The following SYK variants were observed in gnomAD, a reference collection of about 807,000 sequenced individuals.
SYK encodes the protein tyrosine-protein kinase SYK.
In SYK, 16 loss-of-function variants were observed where a neutral mutation model predicts 77.8. The observed-to-expected ratio is 0.21, with a 90% CI of 0.14 to 0.31. SYK has a LOEUF of 0.31. Ranked by LOEUF, SYK falls within the 10% of genes least tolerant of loss-of-function variation. The pLI is 1.00. For missense variants in SYK, 529 were observed against 814.4 expected, an observed-to-expected ratio of 0.65 and a Z score of 4.26; for synonymous variants, 312 against 308.7, an observed-to-expected ratio of 1.01 and a Z score of -0.11.
intron 1 of SYK, among the ~76,000 whole-genome samples, chr9:90,804,202 A>C (rs1200356535): frequency 2.0e-5 from 3 of 152,212 alleles, no homozygotes; most frequent in Non-Finnish European, 4.4e-5. Context: ...TTAAATAGCA[A>C]GATTTTACTG....
intron 1 of SYK, among the ~76,000 whole-genome samples, chr9:90,811,939 G>GA (rs5899108): frequency 0.022 from 3,041 of 136,616 alleles, 112 homozygotes; most frequent in East Asian, 0.16. Context: ...AATAATAAGT[G>GA]AAAAAAAAAA....
At chr9:90,841,819 GGTGT>G (rs1826364149) in intron 1 of SYK, among the ~76,000 whole-genome samples, 1 of 149,376 alleles carries the variant, frequency 6.7e-6, no homozygotes, top group South Asian at 2.2e-4. Context: ...TGTTGTATGT[GGTGT>G]GTATGTAGTT....
intron 1 of SYK, among the ~76,000 whole-genome samples, chr9:90,830,956 T>C (rs1825866374): frequency 6.6e-6 from 1 of 152,164 alleles, no homozygotes; most frequent in Admixed American, 6.5e-5. Context: ...TTTCTCAGCT[T>C]CAAGCTGCAG....
rs997840532 is a variant in SYK at position 90,815,975 on chromosome 9, G to C, written c.-42+14082G>C. ...ACAAGGGAGAGATTCTGAGTGTTAG[G>C]GCTGGGAAAAGAGCACTCTGTGTGA... On this transcript the variant is annotated intron_variant, in intron 1 of 13. Coordinates refer to ENST00000375754, the MANE Select transcript of SYK (RefSeq NM_003177.7). 8.5e-5 allele frequency among the ~76,000 whole-genome samples: 13 copies of C among 152,346 alleles called. No homozygotes were observed. The East Asian group carries it at 2.5e-3, about 29-fold the overall frequency.
chr9:90,814,353 G>A (rs1291192306), intron 1 of SYK, among the ~76,000 whole-genome samples: 1 of 152,122 alleles, frequency 6.6e-6, no homozygotes, highest in Admixed American at 6.5e-5. Flanking sequence ...TGTGGCCACT[G>A]ACCGCTCAAT....
chr9:90,838,909 AG>A (rs1211589171), intron 1 of SYK, among the ~76,000 whole-genome samples: 1 of 152,224 alleles, frequency 6.6e-6, no homozygotes, highest in Non-Finnish European at 1.5e-5. Flanking sequence ...GAATGCCTGC[AG>A]GGGAAAGTCA....
At chr9:90,883,907 C>G (rs967274660) in intron 11 of SYK, among the ~76,000 whole-genome samples, 3 of 152,102 alleles carry the variant, frequency 2.0e-5, no homozygotes, top group Non-Finnish European at 4.4e-5. Context: ...GTATACCGCC[C>G]TAGGGCCCAA....
intron 3 of SYK, among the ~76,000 whole-genome samples, chr9:90,855,666 ATGTG>A (rs9299433): frequency 0.16 from 23,537 of 149,000 alleles, 2,599 homozygotes; most frequent in African/African-American, 0.28. Context: ...TTGAGTGAAT[ATGTG>A]TGTGTGTGTG....
intron 1 of SYK, among the ~76,000 whole-genome samples, chr9:90,835,924 A>G (rs1413720454): frequency 6.6e-6 from 1 of 152,252 alleles, no homozygotes; most frequent in Non-Finnish European, 1.5e-5. Context: ...TTCAACAAAA[A>G]TATTGGAAAA....
At chr9:90,893,835 G>A (rs1211898646) in intron 13 of SYK, among the ~76,000 whole-genome samples, 1 of 152,116 alleles carries the variant, frequency 6.6e-6, no homozygotes, top group Non-Finnish European at 1.5e-5. Flanking sequence ...AGAGGAGGAG[G>A]GTCACTGGGT....
At chr9:90,809,956 A>G (rs758979299) in intron 1 of SYK, among the ~76,000 whole-genome samples, 3 of 152,156 alleles carry the variant, frequency 2.0e-5, no homozygotes, top group African/African-American at 4.8e-5. Context: ...GGTCAAGGAA[A>G]GGCAGCTTGG....
intron 1 of SYK, among the ~76,000 whole-genome samples, chr9:90,830,417 C>A (rs1825837980): frequency 6.6e-6 from 1 of 152,180 alleles, no homozygotes; most frequent in South Asian, 2.1e-4. Context: ...AGGCAGTGCC[C>A]CCAGCCCTTT....
rs200815743 is a variant in SYK at position 90,897,830 on chromosome 9, G to A, written c.*2230G>A. 2.4e-4 allele frequency: 53 copies of A among 223,234 alleles called. No individual in the cohort carries two copies. The highest frequency in any genetic ancestry group is 2.8e-3 in the Middle Eastern group (2 of 724). 13.8% of individuals were successfully genotyped at this position (223,234 alleles called of 1,614,324 possible). On this transcript the variant is annotated 3_prime_UTR_variant, in exon 14 of 14. Coordinates refer to ENST00000375754, the MANE Select transcript of SYK (RefSeq NM_003177.7). ...ACCTGTGTGCAGAATTCCCACTGTG[G>A]CCAGCACGAGGAAGTCTTTTCTAGT...
intron 13 of SYK, among the ~76,000 whole-genome samples, chr9:90,891,075 T>C (rs1232438384): frequency 6.6e-6 from 1 of 151,408 alleles, no homozygotes; most frequent in East Asian, 2.0e-4. Flanking sequence ...GAAAAGAAAC[T>C]GGCTGCCCCA....
chr9:90,837,048 AAATATGTGT>A (rs1826112834), intron 1 of SYK, among the ~76,000 whole-genome samples: 1 of 151,908 alleles, frequency 6.6e-6, no homozygotes, highest in African/African-American at 2.4e-5. Context: ...ATAACATGCA[AAATATGTGT>A]TAATCAGTTA....
chr9:90,897,573 G>A lies in SYK; in HGVS notation c.*1973G>A, dbSNP rs201655256. On this transcript the variant is annotated 3_prime_UTR_variant, in exon 14 of 14. Coordinates refer to ENST00000375754, the MANE Select transcript of SYK (RefSeq NM_003177.7). ...AGTCTTCAACACAGGCCCCGTGCTCGTAGGAATACGGTAGCACCTATGTAG... is the reference window on the plus strand; with the variant it reads ...AGTCTTCAACACAGGCCCCGTGCTCATAGGAATACGGTAGCACCTATGTAG... 7.8e-5 allele frequency: 18 copies of A among 230,120 alleles called. No individual in the cohort carries two copies. Among genetic ancestry groups the A allele is most frequent in the African/African-American group, 2.9e-4 (13 of 45,184 alleles). 14.3% of individuals were successfully genotyped at this position (230,120 alleles called of 1,614,324 possible). A position where few individuals can be genotyped will look rare whatever the true frequency, so the allele number is the denominator to read the frequency against.
At chr9:90,862,838 T>C (rs924360118) in intron 4 of SYK, among the ~76,000 whole-genome samples, 16 of 152,154 alleles carry the variant, frequency 1.1e-4, no homozygotes, top group Non-Finnish European at 1.8e-4. Flanking sequence ...CAAGCAGGAC[T>C]TTGTTGGTGG....
At position 90,874,730 on chromosome 9, in the gene SYK, C is replaced by T. The variant is rs1329965397; in HGVS notation, c.1062C>T (p.Asp354=). The T allele has an allele frequency of 6.2e-7, 1 of 1,614,104 alleles. No homozygotes were observed. The highest frequency in any genetic ancestry group is 8.5e-7 in the Non-Finnish European group (1 of 1,180,018). Residue 354 remains aspartate (D), a synonymous_variant, in exon 9 of 14, where the codon GAC becomes GAT. Coordinates refer to ENST00000375754, the MANE Select transcript of SYK (RefSeq NM_003177.7). ...AGGTGTACGAGAGCCCCTACGCGGA[C>T]CCCGAGGAGATCAGGCCCAAGGAGG... The part of the protein sequence containing the change: ...DTEVYESPYA[D]PEEIRPKEVY...
At chr9:90,872,017 C>G (rs562291666) in intron 7 of SYK, among the ~76,000 whole-genome samples, 7 of 152,130 alleles carry the variant, frequency 4.6e-5, no homozygotes, top group African/African-American at 7.2e-5. Flanking sequence ...TTATTTGTGC[C>G]CAGGGGTTTA....
Sources: gnomAD v4.1 joint callset for allele counts (sites outside exome capture counted in the v4.1 genomes callset) on GRCh38, gnomAD v4.1.1 for gene constraint, MANE v1.5 for transcripts, NCBI Gene and HGNC (gene_info 2026-07-23, HGNC 2026-07-21) for gene names.